Variants in MAP2K4 observed in about 807,000 individuals in gnomAD.
MAP2K4 encodes the protein dual specificity mitogen-activated protein kinase kinase 4.
A neutral mutation model predicts 48.5 loss-of-function variants in MAP2K4; 4 were observed. The ratio of observed to expected loss-of-function variants is 0.08; its 90% CI spans 0.04 to 0.19. The LOEUF (loss-of-function observed/expected upper bound fraction) is 0.19, where lower values mean the gene tolerates loss of function less well. Ranked by LOEUF, MAP2K4 falls within the 10% of genes least tolerant of loss-of-function variation. The probability of loss-of-function intolerance (pLI) is 1.00; values close to 1 mark genes in which losing one functional copy is unlikely to be tolerated. For synonymous variants in MAP2K4, 166 were observed against 173.1 expected, an observed-to-expected ratio of 0.96 and a Z score of 0.32; for missense variants, 258 against 493.3, an observed-to-expected ratio of 0.52 and a Z score of 4.52.
chr17:12,072,700 A>G (rs1471617360), intron 2 of MAP2K4, among the ~76,000 whole-genome samples: 1 of 152,220 alleles, frequency 6.6e-6, no homozygotes, highest in African/African-American at 2.4e-5. Context: ...TTTAAGCAGT[A>G]TAAGGTACTC....
intron 8 of MAP2K4, among the ~76,000 whole-genome samples, chr17:12,126,669 A>G (rs1378712933): frequency 1.3e-5 from 2 of 152,236 alleles, no homozygotes; most frequent in Non-Finnish European, 2.9e-5. Flanking sequence ...CCATCACATT[A>G]GGGATTAGGC....
At chr17:12,076,452 C>T (rs1465945199) in intron 2 of MAP2K4, among the ~76,000 whole-genome samples, 1 of 152,116 alleles carries the variant, frequency 6.6e-6, no homozygotes, top group Non-Finnish European at 1.5e-5. Context: ...TTTGTCATTT[C>T]TATCCAGAAG....
At chr17:12,041,129 C>G (rs1171136785) in intron 1 of MAP2K4, among the ~76,000 whole-genome samples, 2 of 152,216 alleles carry the variant, frequency 1.3e-5, no homozygotes, top group African/African-American at 4.8e-5. Context: ...CCTTTTAAAA[C>G]TTTCAATTTG....
intron 1 of MAP2K4, among the ~76,000 whole-genome samples, chr17:12,035,502 A>T (rs919866979): frequency 1.3e-5 from 2 of 152,188 alleles, no homozygotes; most frequent in African/African-American, 2.4e-5. Flanking sequence ...GTCAACAAGA[A>T]CAAAACTCCG....
At chr17:12,022,079 T>A (rs1057376912) in intron 1 of MAP2K4, among the ~76,000 whole-genome samples, 1 of 152,244 alleles carries the variant, frequency 6.6e-6, no homozygotes, top group Non-Finnish European at 1.5e-5. Context: ...TGGGGTACCC[T>A]TGGTAGTCAG....
intron 2 of MAP2K4, among the ~76,000 whole-genome samples, chr17:12,057,963 T>G (rs1417814827): frequency 1.3e-5 from 2 of 152,068 alleles, no homozygotes; most frequent in Non-Finnish European, 2.9e-5. Flanking sequence ...CTTATAATTT[T>G]TTTTTCATGT....
intron 1 of MAP2K4, among the ~76,000 whole-genome samples, chr17:12,030,543 C>T (rs915898957): frequency 2.6e-5 from 4 of 152,136 alleles, no homozygotes; most frequent in African/African-American, 7.2e-5. Context: ...CTTAAACTGG[C>T]GCTTAGCTTT....
Position 12,115,970 on chromosome 17 carries a change from C to T in MAP2K4, c.813+2610C>T, listed in dbSNP as rs1972480789. The stretch of plus-strand genomic sequence containing the variant: ...GAATTGAGTGAACTCTTTTCTCGTT[C>T]TTTTTAAGTCTGTTTTGTGGCACTC... On this transcript the variant is annotated intron_variant, in intron 7 of 10. Coordinates refer to ENST00000353533, the MANE Select transcript of MAP2K4 (RefSeq NM_003010.4). 9 of 411,372 alleles carry T rather than the reference C, an allele frequency of 2.2e-5. No homozygotes were observed. In the Admixed American group the frequency reaches 2.7e-4, roughly 13 times the overall value. 25.5% of individuals were successfully genotyped at this position (411,372 alleles called of 1,614,324 possible).
chr17:12,062,466 C>G (rs1039868283), intron 2 of MAP2K4, among the ~76,000 whole-genome samples: 2 of 152,162 alleles, frequency 1.3e-5, no homozygotes, highest in African/African-American at 4.8e-5. Context: ...TTCTGAGTAG[C>G]TGGCACTATA....
At chr17:12,024,458 AT>A (rs950958162) in intron 1 of MAP2K4, among the ~76,000 whole-genome samples, 8 of 150,714 alleles carry the variant, frequency 5.3e-5, no homozygotes, top group Non-Finnish European at 1.0e-4. Flanking sequence ...ATTCTGACTC[AT>A]TTTTTTTTCA....
chr17:12,070,587 T>G (rs1970770188), intron 2 of MAP2K4, among the ~76,000 whole-genome samples: 1 of 152,196 alleles, frequency 6.6e-6, no homozygotes, highest in East Asian at 1.9e-4. Context: ...ATAGAAAATA[T>G]GATTTAGATT....
chr17:12,129,348 T>C, intron 9 of MAP2K4, 61 bp downstream of exon 9: 1 of 1,600,812 alleles, frequency 6.2e-7, no homozygotes, highest in Non-Finnish European at 8.6e-7. Flanking sequence ...ATTTACTTGG[T>C]CTTAGCAGCA....
In MAP2K4 at chr17:12,081,914, G is replaced by C; in HGVS notation, c.393+384G>C. 1.9e-6 allele frequency: 1 copy of C among 537,448 alleles called. No homozygotes were observed. Among genetic ancestry groups the C allele is most frequent in the Non-Finnish European group, 3.8e-6 (1 of 262,398 alleles). The allele number at this position is 537,448 out of a possible 1,614,324, so 33.3% of individuals were successfully genotyped here. Reference sequence around the variant, plus strand: ...GCACACTGGGTTGGGCAAGGTGCGGGGCTAGGGCTAACAGCAGTCTTACTG... The same window carrying C: ...GCACACTGGGTTGGGCAAGGTGCGGCGCTAGGGCTAACAGCAGTCTTACTG... On this transcript the variant is annotated intron_variant, in intron 3 of 10. Coordinates refer to ENST00000353533, the MANE Select transcript of MAP2K4 (RefSeq NM_003010.4). This position sits in a 1 kb window ranked among gnomAD's most constrained non-coding sequence, Gnocchi z 4.2.
chr17:12,117,685 G>A (rs1254893810), intron 7 of MAP2K4, among the ~76,000 whole-genome samples: 1 of 152,100 alleles, frequency 6.6e-6, no homozygotes, highest in African/African-American at 2.4e-5. Flanking sequence ...TACCCCTAGA[G>A]AGACAGCAGT....
At position 12,054,861 on chromosome 17, in the gene MAP2K4, C is replaced by G. The variant is rs1455447323; in HGVS notation, c.116-28C>G. On this transcript the variant is annotated intron_variant, in intron 1 of 10. Coordinates refer to ENST00000353533, the MANE Select transcript of MAP2K4 (RefSeq NM_003010.4). ...AGTACCTGTTTTGTAGTACTTGAAA[C>G]TTTTACTTTTTATTTGTTATTTCTC... is the stretch of plus-strand genomic sequence containing the variant. The G allele has an allele frequency of 1.5e-5, 23 of 1,493,202 alleles. No homozygotes were observed. The East Asian group carries it at 5.0e-4, about 33-fold the overall frequency. 92.5% of individuals were successfully genotyped at this position (1,493,202 alleles called of 1,614,324 possible).
rs1272207826 is a variant in MAP2K4, at chr17:12,142,658, A to G, written c.*1398A>G. Reference sequence around the variant, plus strand: ...CTAGAACCTCTCGTAGTCCATCACCATTTCTTGGCATTGGAATTCTACTGG... The same window carrying G: ...CTAGAACCTCTCGTAGTCCATCACCGTTTCTTGGCATTGGAATTCTACTGG... On this transcript the variant is annotated 3_prime_UTR_variant, in exon 11 of 11. Transcript: ENST00000353533. The G allele has an allele frequency of 1.3e-5, 3 of 232,980 alleles. No homozygotes were observed. The highest frequency in any genetic ancestry group is 2.5e-5 in the Non-Finnish European group (3 of 117,956). 14.4% of individuals were successfully genotyped at this position (232,980 alleles called of 1,614,324 possible). A position where few individuals can be genotyped will look rare whatever the true frequency, so the allele number is the denominator to read the frequency against.
intron 6 of MAP2K4, among the ~76,000 whole-genome samples, chr17:12,111,658 A>G (rs565736027): frequency 1.8e-4 from 28 of 152,298 alleles, no homozygotes; most frequent in African/African-American, 6.7e-4. Context: ...TTGTTCTCTT[A>G]CTAAATGAAG....
rs148035791 is a variant in MAP2K4 at position 12,056,991 on chromosome 17, G to A, written c.218+2000G>A. ...TGTTCATGAATTTAGGAAAAGATAA[G>A]ATGAAATAAGCAAGCTAATGAAGTT... On this transcript the variant is annotated intron_variant, in intron 2 of 10. Coordinates refer to ENST00000353533, the MANE Select transcript of MAP2K4 (RefSeq NM_003010.4). 2.0e-3 allele frequency among the ~76,000 whole-genome samples: 297 copies of A among 152,158 alleles called. 2 individuals carry two copies. The highest frequency in any genetic ancestry group is 6.9e-3 in the African/African-American group (288 of 41,522).
intron 1 of MAP2K4, among the ~76,000 whole-genome samples, chr17:12,032,866 G>T (rs557467603): frequency 6.6e-6 from 1 of 152,130 alleles, no homozygotes; most frequent in South Asian, 2.1e-4. Flanking sequence ...TTGAGACAGG[G>T]TCCCACTCTG....
Sources: gnomAD v4.1 joint callset for allele counts (sites outside exome capture counted in the v4.1 genomes callset) on GRCh38, gnomAD v4.1.1 for gene constraint, Gnocchi (gnomAD v3.1) non-coding constraint, MANE v1.5 for transcripts, NCBI Gene and HGNC (gene_info 2026-07-23, HGNC 2026-07-21) for gene names.